Variants in SH3BP5L observed in about 807,000 individuals in gnomAD.
SH3BP5L encodes SH3 domain-binding protein 5-like.
Under a neutral mutation model 40.9 loss-of-function variants are expected in SH3BP5L, and 16 were observed. The ratio of observed to expected loss-of-function variants is 0.39; its 90% CI spans 0.27 to 0.59. The LOEUF (loss-of-function observed/expected upper bound fraction) is 0.59. SH3BP5L is among the 20% of genes least tolerant of loss of function. SH3BP5L has a pLI of 0.53. For synonymous variants in SH3BP5L, 229 were observed against 226.7 expected, an observed-to-expected ratio of 1.01 and a Z score of -0.09; for missense variants, 471 against 544.6, an observed-to-expected ratio of 0.86 and a Z score of 1.35.
chr1:248,813,447 C>T (rs1341805039), intron 5 of SH3BP5L: 3 of 363,902 alleles, frequency 8.2e-6, no homozygotes, highest in African/African-American at 2.1e-5. Context: ...CTAGTGTCAC[C>T]TGCACCACTG....
chr1:248,820,570 T>G (rs555124956), intron 2 of SH3BP5L: 6 of 152,322 alleles, frequency 3.9e-5, no homozygotes, highest in African/African-American at 1.2e-4. Context: ...AGTGACAGAC[T>G]TGGGTCTGGA....
In SH3BP5L at chr1:248,813,171, G is replaced by A. The variant is rs1219446289; in HGVS notation, c.538-9C>T. 1 of 1,557,060 alleles carries A rather than the reference G, an allele frequency of 6.4e-7. No individual in the cohort carries two copies. The highest frequency in any genetic ancestry group is 8.7e-7 in the Non-Finnish European group (1 of 1,149,724). ...TCCTCCGCCTCATTCACCTGGCCCA[G>A]AGGACACATCACTGAGCCAGGACCC... is the stretch of plus-strand genomic sequence containing the variant. On this transcript the variant is annotated splice_polypyrimidine_tract_variant and intron_variant, in intron 5 of 6. Coordinates refer to ENST00000366472, the MANE Select transcript of SH3BP5L (RefSeq NM_030645.3).
At chr1:248,823,055 C>T (rs984070877) in intron 2 of SH3BP5L, among the ~76,000 whole-genome samples, 1 of 152,224 alleles carries the variant, frequency 6.6e-6, no homozygotes, top group African/African-American at 2.4e-5. Context: ...ACAATGCAAG[C>T]ATGACTCTTC....
Position 248,812,098 on chromosome 1 carries a change from G to C in SH3BP5L, c.984C>G (p.Pro328=). 1.2e-6 allele frequency: 2 copies of C among 1,611,526 alleles called. No individual in the cohort carries two copies. Among genetic ancestry groups the C allele is most frequent in the Non-Finnish European group, 1.7e-6 (2 of 1,178,824 alleles). The stretch of plus-strand genomic sequence containing the variant: ...TCAGCAGACTCAGGGTATCGGTGTC[G>C]GGGGCGGGGCCGGGCCCCAGGCTGC... The part of the protein sequence containing the change: ...EGSSLGPGPA[P]DTDTLSLLSL... The change falls in exon 7 of 7, where the codon CCC becomes CCG. Residue 328 remains proline, a synonymous_variant. Coordinates refer to ENST00000366472, the MANE Select transcript of SH3BP5L (RefSeq NM_030645.3). The surrounding 1 kb of genome is among the most constrained non-coding windows in gnomAD (Gnocchi z 6.1).
chr1:248,817,020 G>A (rs530119419), intron 2 of SH3BP5L, 136 bp from the exon 3 acceptor site: 1 of 1,554,418 alleles, frequency 6.4e-7, no homozygotes, highest in Admixed American at 1.9e-5. Context: ...GGAAAGGAAA[G>A]AAGATACGGA....
In SH3BP5L at chr1:248,812,519, TCCA is replaced by T. The variant is rs1266743057; in HGVS notation, c.712-152_712-150del. Reference sequence around the variant, plus strand: ...ACAGACCCACAACAGCCTTCCCTGCTCCACTCTCAGCACCCACCACAGACCCAC... The same window carrying T: ...ACAGACCCACAACAGCCTTCCCTGCTCTCTCAGCACCCACCACAGACCCAC... On this transcript the variant is annotated intron_variant, in intron 6 of 6. Transcript: ENST00000366472. This position sits in a 1 kb window ranked among gnomAD's most constrained non-coding sequence, Gnocchi z 6.1. The T allele has an allele frequency of 4.2e-5, 22 of 518,150 alleles. No homozygotes were observed. Among genetic ancestry groups the T allele is most frequent in the Non-Finnish European group, 6.2e-5 (19 of 306,198 alleles). The allele number at this position is 518,150 out of a possible 1,614,324, so 32.1% of individuals were successfully genotyped here. A position where few individuals can be genotyped will look rare whatever the true frequency, so the allele number is the denominator to read the frequency against.
Position 248,811,875 on chromosome 1 carries a change from C to T in SH3BP5L, c.*25G>A, listed in dbSNP as rs913688359. 5.5e-5 allele frequency: 81 copies of T among 1,469,646 alleles called. No individual in the cohort carries two copies. The highest frequency in any genetic ancestry group is 1.4e-4 in the African/African-American group (10 of 70,942). The allele number at this position is 1,469,646 out of a possible 1,614,324, so 91.0% of individuals were successfully genotyped here. ...CCCAACCGGCCCGTGGTGGCAGATTCAAGCCAGGAACCCTGGCCCCTCGGC... is the reference window on the plus strand; with the variant it reads ...CCCAACCGGCCCGTGGTGGCAGATTTAAGCCAGGAACCCTGGCCCCTCGGC... On this transcript the variant is annotated 3_prime_UTR_variant, in exon 7 of 7. Transcript: ENST00000366472.
chr1:248,813,248 G>T, intron 5 of SH3BP5L, 86 bp from the exon 6 acceptor site: 1 of 1,366,948 alleles, frequency 7.3e-7, no homozygotes, highest in Non-Finnish European at 9.6e-7. Context: ...ACAACGCCCT[G>T]GGGGGAACCC....
At position 248,816,873 on chromosome 1, in the gene SH3BP5L, C is replaced by T; in HGVS notation, c.195G>A (p.Glu65=). The change falls in exon 3 of 7, where the codon GAG becomes GAA. Residue 65 remains glutamate (E), a synonymous_variant. Transcript: ENST00000366472. The part of the protein sequence containing the change: ...ELDPRIQEEL[E]HLNQASEEIN... ...TCTCCTCGCTGGCCTGGTTCAGGTG[C>T]TCCAACTCCTCCTGCCACAGAGAGG... 2.5e-6 allele frequency: 4 copies of T among 1,614,154 alleles called. No individual in the cohort carries two copies. Among genetic ancestry groups the T allele is most frequent in the South Asian group, 1.1e-5 (1 of 91,084 alleles).
At position 248,812,028 on chromosome 1, in the gene SH3BP5L, CCA is replaced by C; in HGVS notation, c.1052_1053del (p.Val351GlyfsTer52). ...TGGTCCGAGAGGCCTCGCAAGTGCT[CCA>C]CGGAGTCGCACTTCTGCAGGTCTGA... The part of the protein sequence containing the change: ...VASDLQKCDS[V>X]EHLRGLSDHV... On this transcript the variant is annotated frameshift_variant, in exon 7 of 7. Transcript: ENST00000366472. LOFTEE classifies it high-confidence loss of function. This position sits in a 1 kb window ranked among gnomAD's most constrained non-coding sequence, Gnocchi z 6.1. 6.2e-7 allele frequency: 1 copy of C among 1,612,422 alleles called. No individual in the cohort carries two copies. The highest frequency in any genetic ancestry group is 8.5e-7 in the Non-Finnish European group (1 of 1,179,524).
Position 248,813,152 on chromosome 1 carries a change from G to A in SH3BP5L, c.548C>T (p.Ala183Val), listed in dbSNP as rs987576804. Reference sequence around the variant, plus strand: ...CTCACCTCGAAGCCGCTCTTCCTCCGCCTCATTCACCTGGCCCAGAGGACA... The same window carrying A: ...CTCACCTCGAAGCCGCTCTTCCTCCACCTCATTCACCTGGCCCAGAGGACA... Reference protein sequence around the residue: ...LNHATCKVNEAEEERLRGERE... With the variant: ...LNHATCKVNEVEEERLRGERE... Residue 183 changes from alanine to valine, a missense_variant, in exon 6 of 7, where the codon GCG (alanine) becomes GTG (valine). By Grantham distance (64) the Ala-to-Val change is moderately conservative. Transcript: ENST00000366472. 15 of 1,588,312 alleles carry A rather than the reference G, an allele frequency of 9.4e-6. No individual in the cohort carries two copies. Among genetic ancestry groups the A allele is most frequent in the Middle Eastern group, 2.0e-4 (1 of 5,042 alleles).
In SH3BP5L at chr1:248,811,871, G is replaced by T; in HGVS notation, c.*29C>A. Reference sequence around the variant, plus strand: ...GGGCCCCAACCGGCCCGTGGTGGCAGATTCAAGCCAGGAACCCTGGCCCCT... The same window carrying T: ...GGGCCCCAACCGGCCCGTGGTGGCATATTCAAGCCAGGAACCCTGGCCCCT... On this transcript the variant is annotated 3_prime_UTR_variant, in exon 7 of 7. Transcript: ENST00000366472. 6.9e-7 allele frequency: 1 copy of T among 1,457,984 alleles called. No homozygotes were observed. The highest frequency in any genetic ancestry group is 1.4e-5 in the African/African-American group (1 of 70,788). 90.3% of individuals were successfully genotyped at this position (1,457,984 alleles called of 1,614,324 possible).
rs1664107271 is a variant in SH3BP5L, at chr1:248,816,455, C to G, written c.375+79G>C. On this transcript the variant is annotated intron_variant, in intron 4 of 6. Coordinates refer to ENST00000366472, the MANE Select transcript of SH3BP5L (RefSeq NM_030645.3). Reference sequence around the variant, plus strand: ...GCCCTCAGGGTCTGGTGTTTTGTCTCTCACTCCATATAGAGACAGAAGAAT... The same window carrying G: ...GCCCTCAGGGTCTGGTGTTTTGTCTGTCACTCCATATAGAGACAGAAGAAT... 5 of 1,584,376 alleles carry G rather than the reference C, an allele frequency of 3.2e-6. No homozygotes were observed. In the Admixed American group the frequency reaches 8.4e-5, roughly 27 times the overall value.
intron 2 of SH3BP5L, chr1:248,820,277 C>T (rs1664223004): frequency 6.6e-6 from 1 of 152,300 alleles, no homozygotes; most frequent in African/African-American, 2.4e-5. Flanking sequence ...TCAGCATCAA[C>T]ACTACCAGAC....
intron 4 of SH3BP5L, chr1:248,814,811 A>G: frequency 1.4e-6 from 1 of 710,038 alleles, no homozygotes; most frequent in Non-Finnish European, 2.5e-6. Context: ...TAGAAGAAAT[A>G]AAAATTTTGC....
rs14088 is a variant in SH3BP5L, at chr1:248,810,645, C to T, written c.*1255G>A. On this transcript the variant is annotated 3_prime_UTR_variant, in exon 7 of 7. Transcript: ENST00000366472. The stretch of plus-strand genomic sequence containing the variant: ...CCCCCGTGCAGAGTCCAGTTGCCCA[C>T]GCATCCCGGTTGCTGGCAGAACATG... 0.036 allele frequency: 5,459 copies of T among 152,296 alleles called. 310 individuals are homozygous for T. Among genetic ancestry groups the T allele is most frequent in the African/African-American group, 0.12 (5,114 of 41,490 alleles). 9.4% of individuals were successfully genotyped at this position (152,296 alleles called of 1,614,324 possible).
rs1179222644 is a variant in SH3BP5L, at chr1:248,816,551, G to A, written c.358C>T (p.Arg120Trp). Residue 120 changes from arginine (R) to tryptophan (W), a missense_variant, in exon 4 of 7, where the codon CGG (arginine) becomes TGG (tryptophan). Physicochemically the swap from Arg to Trp is moderately radical, Grantham distance 101. Transcript: ENST00000366472. ...IEKARPYYEA[R>W]RLAKEAQQET... ...AGCCATACCTCCTTAGCCAGCCGCCGAGCCTCATAGTAGGGCCGGGCTTTC... is the reference window on the plus strand; with the variant it reads ...AGCCATACCTCCTTAGCCAGCCGCCAAGCCTCATAGTAGGGCCGGGCTTTC... 5.6e-6 allele frequency: 9 copies of A among 1,614,070 alleles called. No individual in the cohort carries two copies. In the East Asian group the frequency reaches 6.7e-5, roughly 12 times the overall value.
In SH3BP5L at chr1:248,812,555, T is replaced by C. The variant is rs1416560757; in HGVS notation, c.712-185A>G. The stretch of plus-strand genomic sequence containing the variant: ...CACCCACCACAGACCCACAACACCC[T>C]TCCCTGCTCCACTTGCTCTGCGTTG... On this transcript the variant is annotated intron_variant, in intron 6 of 6. Transcript: ENST00000366472. This position sits in a 1 kb window ranked among gnomAD's most constrained non-coding sequence, Gnocchi z 6.1. Among the ~76,000 whole-genome samples the C allele has an allele frequency of 2.3e-5, 3 of 130,798 alleles. No homozygotes were observed. Among genetic ancestry groups the C allele is most frequent in the Admixed American group, 2.1e-4 (3 of 14,156 alleles). The allele number at this position is 130,798 out of a possible 152,430, so 85.8% of individuals were successfully genotyped here.
At chr1:248,817,130 A>T (rs1010269559) in intron 2 of SH3BP5L, 1 of 1,273,344 alleles carries the variant, frequency 7.9e-7, no homozygotes, top group Admixed American at 2.1e-5. Flanking sequence ...CCCCAGTTTC[A>T]AGGATGAAGA....
Sources: gnomAD v4.1 joint callset for allele counts (sites outside exome capture counted in the v4.1 genomes callset) on GRCh38, gnomAD v4.1.1 for gene constraint, Gnocchi (gnomAD v3.1) non-coding constraint, MANE v1.5 for transcripts, NCBI Gene and HGNC (gene_info 2026-07-23, HGNC 2026-07-21) for gene names.